GRM7: variants seen among roughly 807,000 people sequenced by gnomAD.
GRM7 encodes the protein glutamate metabotropic receptor 7.
A neutral mutation model predicts 84.5 loss-of-function variants in GRM7; 35 were observed. The ratio of observed to expected loss-of-function variants is 0.41; its 90% confidence interval spans 0.32 to 0.55. The LOEUF (loss-of-function observed/expected upper bound fraction) is 0.55, where lower values mean the gene tolerates loss of function less well. Ranked by LOEUF, GRM7 falls within the 20% of genes least tolerant of loss-of-function variation. The pLI, the probability that GRM7 is intolerant of heterozygous loss-of-function variation, is 0.19. For synonymous variants in GRM7, 487 were observed against 455.1 expected (o/e 1.07, Z -0.89); for missense variants, 1,003 against 1,194.6 (o/e 0.84, Z 2.36).
chr3:7,048,360 C>A (rs1696874752), intron 1 of GRM7, among the ~76,000 whole-genome samples: 1 of 151,668 alleles, frequency 6.6e-6, no homozygotes, highest in African/African-American at 2.4e-5. Flanking sequence ...ACAATGTACA[C>A]AAACAATACT....
At chr3:7,217,759 C>A (rs1270429244) in intron 2 of GRM7, among the ~76,000 whole-genome samples, 1 of 149,996 alleles carries the variant, frequency 6.7e-6, no homozygotes, top group Non-Finnish European at 1.5e-5. Flanking sequence ...TTTTAAAATT[C>A]TTACACTGAA....
intron 2 of GRM7, among the ~76,000 whole-genome samples, chr3:7,287,885 A>C (rs1481279323): frequency 1.3e-5 from 2 of 152,146 alleles, no homozygotes; most frequent in Non-Finnish European, 2.9e-5. Context: ...AGATGCTGAA[A>C]AATAGCACAA....
At chr3:7,412,451 A>G (rs548002977) in intron 4 of GRM7, among the ~76,000 whole-genome samples, 1 of 151,870 alleles carries the variant, frequency 6.6e-6, no homozygotes, top group African/African-American at 2.4e-5. Flanking sequence ...AAGAGCTTTT[A>G]CTCTCTCTCA....
chr3:7,608,178 T>C (rs1468860709), intron 8 of GRM7: 1 of 156,374 alleles, frequency 6.4e-6, no homozygotes. Flanking sequence ...TTGTGAATAG[T>C]GCTGCAATGA....
At chr3:7,175,396 T>C (rs1056414947) in intron 2 of GRM7, among the ~76,000 whole-genome samples, 2 of 152,252 alleles carry the variant, frequency 1.3e-5, no homozygotes, top group Non-Finnish European at 1.5e-5. Flanking sequence ...CATTGTCATG[T>C]CTCCATGAAA....
Position 6,991,268 on chromosome 3 carries a change from C to T in GRM7, c.519+129361C>T, listed in dbSNP as rs557816006. On this transcript the variant is annotated intron_variant, in intron 1 of 9. Coordinates refer to ENST00000357716, the MANE Select transcript of GRM7 (RefSeq NM_000844.4). ...ACCTATGAATGAGACTTTTACACCA[C>T]GTAAACTTGCTCTTCCTCTTTACTC... 7.9e-5 allele frequency among the ~76,000 whole-genome samples: 12 copies of T among 152,306 alleles called. No individual in the cohort carries two copies. In the East Asian group the frequency reaches 1.9e-3, roughly 25 times the overall value.
At chr3:7,337,088 C>G (rs1161440517) in intron 4 of GRM7, among the ~76,000 whole-genome samples, 2 of 152,022 alleles carry the variant, frequency 1.3e-5, no homozygotes, top group Non-Finnish European at 2.9e-5. Flanking sequence ...ACCAATGGAA[C>G]AGAATAGAGA....
At chr3:7,409,880 G>T (rs1388177378) in intron 4 of GRM7, among the ~76,000 whole-genome samples, 5 of 152,166 alleles carry the variant, frequency 3.3e-5, no homozygotes, top group Admixed American at 3.3e-4. Flanking sequence ...GATTACAGGC[G>T]TGAGCCACTG....
At chr3:7,101,015 G>C (rs1485612177) in intron 1 of GRM7, among the ~76,000 whole-genome samples, 1 of 151,672 alleles carries the variant, frequency 6.6e-6, no homozygotes, top group Non-Finnish European at 1.5e-5. Flanking sequence ...TGGAACATTT[G>C]TGTGGTTGAC....
intron 1 of GRM7, among the ~76,000 whole-genome samples, chr3:6,883,633 A>G (rs1424321408): frequency 6.6e-6 from 1 of 152,256 alleles, no homozygotes; most frequent in Non-Finnish European, 1.5e-5. Flanking sequence ...TTATTTATAA[A>G]GATGGCATTT....
chr3:7,576,822 ATTGCTCAGGACTC>A (rs75309506), intron 7 of GRM7, among the ~76,000 whole-genome samples: 34,255 of 151,858 alleles, frequency 0.23, 4,665 homozygotes, highest in Non-Finnish European at 0.28. Context: ...TCATGCATAT[ATTGCTCAGGACTC>A]TTGGTCGCAA....
chr3:7,212,524 G>A (rs1328966783), intron 2 of GRM7, among the ~76,000 whole-genome samples: 2 of 152,084 alleles, frequency 1.3e-5, no homozygotes, highest in Non-Finnish European at 2.9e-5. Context: ...CTCATATGAG[G>A]ACTGAGAAAG....
intron 9 of GRM7, among the ~76,000 whole-genome samples, chr3:7,736,507 A>T (rs566894151): frequency 6.6e-6 from 1 of 152,316 alleles, no homozygotes; most frequent in Non-Finnish European, 1.5e-5. Context: ...TAAAAACACA[A>T]TGTTATATGA....
intron 8 of GRM7, among the ~76,000 whole-genome samples, chr3:7,602,360 A>G (rs1241740225): frequency 6.6e-6 from 1 of 152,136 alleles, no homozygotes; most frequent in Non-Finnish European, 1.5e-5. Context: ...CCAAAATTTA[A>G]CACAGCTCTT....
chr3:7,481,128 G>T (rs1054831416), intron 7 of GRM7, among the ~76,000 whole-genome samples: 2 of 151,772 alleles, frequency 1.3e-5, no homozygotes, highest in Admixed American at 6.6e-5. Context: ...ACCCAGGCTG[G>T]AATGCAGTGG....
chr3:7,399,902 G>A (rs712765), intron 4 of GRM7, among the ~76,000 whole-genome samples: 152,004 of 152,288 alleles, frequency 1, 75,860 homozygotes, highest in Middle Eastern at 1. Flanking sequence ...AGCCAAATAA[G>A]CCTTTTTTCT....
At chr3:7,652,253 C>T (rs1477184835) in intron 8 of GRM7, among the ~76,000 whole-genome samples, 15 of 151,976 alleles carry the variant, frequency 9.9e-5, no homozygotes, top group Non-Finnish European at 1.5e-4. Flanking sequence ...AAAACAGGAC[C>T]GTCCATGGCA....
chr3:7,615,566 C>T (rs546216502), intron 8 of GRM7, among the ~76,000 whole-genome samples: 25 of 152,084 alleles, frequency 1.6e-4, no homozygotes, highest in African/African-American at 5.8e-4. Context: ...AATATTTTTC[C>T]TATGGAAAAC....
chr3:7,734,136 A>T (rs977596331), intron 9 of GRM7, among the ~76,000 whole-genome samples: 5 of 150,788 alleles, frequency 3.3e-5, no homozygotes, highest in African/African-American at 1.2e-4. Context: ...ATTCTCTTGA[A>T]GTGGATCACT....
Sources: gnomAD v4.1 joint callset for allele counts (sites outside exome capture counted in the v4.1 genomes callset) on GRCh38, gnomAD v4.1.1 for gene constraint, MANE v1.5 for transcripts, NCBI Gene and HGNC (gene_info 2026-07-23, HGNC 2026-07-21) for gene names.